GALNT11: variants seen among roughly 807,000 people sequenced by gnomAD.
The protein encoded by GALNT11 is polypeptide N-acetylgalactosaminyltransferase 11.
GALNT11 carries 47 observed loss-of-function variants against 72.7 expected under a neutral mutation model. The ratio of observed to expected loss-of-function variants is 0.65; its 90% confidence interval spans 0.51 to 0.82. The LOEUF (loss-of-function observed/expected upper bound fraction) is 0.82, where lower values mean the gene tolerates loss of function less well. GALNT11 is among the 40% of genes least tolerant of loss of function. GALNT11 has a pLI of 0.00. For synonymous variants in GALNT11, 270 were observed against 286.6 expected, an observed-to-expected ratio of 0.94 and a Z score of 0.58; for missense variants, 677 against 778.4, an observed-to-expected ratio of 0.87 and a Z score of 1.55.
chr7:152,085,308 A>C (rs190817919), intron 1 of GALNT11, among the ~76,000 whole-genome samples: 2 of 152,206 alleles, frequency 1.3e-5, no homozygotes, highest in Non-Finnish European at 2.9e-5. Context: ...AATAAATTCA[A>C]GTTCACAACT....
At chr7:152,078,346 C>T (rs1056946581) in intron 1 of GALNT11, among the ~76,000 whole-genome samples, 3 of 152,076 alleles carry the variant, frequency 2.0e-5, no homozygotes, top group African/African-American at 4.8e-5. Context: ...GGATTACAGG[C>T]GTATGCCACC....
intron 1 of GALNT11, among the ~76,000 whole-genome samples, chr7:152,063,499 T>C (rs2084132541): frequency 6.6e-6 from 1 of 152,238 alleles, no homozygotes; most frequent in South Asian, 2.1e-4. Context: ...TCTTGCCTTC[T>C]GCTAGCTTTT....
chr7:152,118,805 CAGCCAGTGTCCGCAAGG>C (rs1563085098), intron 10 of GALNT11, 23 bp downstream of exon 10: 2 of 1,582,918 alleles, frequency 1.3e-6, no homozygotes, highest in South Asian at 2.3e-5. Flanking sequence ...TCGGGGCTCA[CAGCCAGTGTCCGCAAGG>C]AGGCTTCCAG....
At chr7:152,097,029 T>C (rs2086436080) in intron 2 of GALNT11, among the ~76,000 whole-genome samples, 1 of 152,188 alleles carries the variant, frequency 6.6e-6, no homozygotes, top group African/African-American at 2.4e-5. Flanking sequence ...GGTTTCACCA[T>C]GTTGCCCAAG....
intron 1 of GALNT11, among the ~76,000 whole-genome samples, chr7:152,065,350 A>T (rs528223659): frequency 9.2e-5 from 14 of 152,258 alleles, no homozygotes; most frequent in South Asian, 6.2e-4. Context: ...CATTTGTCTA[A>T]TCTTTTTTCA....
At chr7:152,110,677 C>G (rs899239490) in intron 7 of GALNT11, 32 bp downstream of exon 7, 75 of 1,332,048 alleles carry the variant, frequency 5.6e-5, no homozygotes, top group Non-Finnish European at 7.9e-5. Flanking sequence ...CAATTAATAA[C>G]TGTGTAGTGG....
intron 1 of GALNT11, among the ~76,000 whole-genome samples, chr7:152,038,540 A>G (rs992699986): frequency 1.6e-4 from 24 of 152,234 alleles, no homozygotes; most frequent in African/African-American, 4.8e-4. Context: ...CGAGCATGTC[A>G]CAGTGCTGCA....
chr7:152,071,286 G>GT (rs1210608656), intron 1 of GALNT11, among the ~76,000 whole-genome samples: 1 of 131,750 alleles, frequency 7.6e-6, no homozygotes, highest in Non-Finnish European at 1.5e-5. Context: ...GGGCACACCT[G>GT]GGGGTGCTGT....
At chr7:152,114,095 G>A (rs1347652356) in intron 8 of GALNT11, among the ~76,000 whole-genome samples, 1 of 151,796 alleles carries the variant, frequency 6.6e-6, no homozygotes, top group East Asian at 1.9e-4. Flanking sequence ...GGACTTCGTG[G>A]TGACCCAATC....
intron 2 of GALNT11, among the ~76,000 whole-genome samples, chr7:152,100,418 T>C: frequency 6.6e-6 from 1 of 151,898 alleles, no homozygotes. Flanking sequence ...ATACAAAAAT[T>C]AGCTGGGCGT....
intron 1 of GALNT11, among the ~76,000 whole-genome samples, chr7:152,078,781 A>G (rs2129017455): frequency 6.6e-6 from 1 of 152,332 alleles, no homozygotes; most frequent in Admixed American, 6.5e-5. Flanking sequence ...TTTATGTGCT[A>G]GAGTTCCAAA....
Position 152,105,382 on chromosome 7 carries a change from C to T in GALNT11, c.712+12C>T, listed in dbSNP as rs771846464. The T allele has an allele frequency of 9.3e-6, 15 of 1,610,170 alleles. No homozygotes were observed. Among genetic ancestry groups the T allele is most frequent in the African/African-American group, 5.3e-5 (4 of 74,798 alleles). The stretch of plus-strand genomic sequence containing the variant: ...GGCCCACGCGACAGGTATCACTTCT[C>T]GTTAGCTTTGCTCTACAGGTGTTGG... On this transcript the variant is annotated intron_variant, in intron 5 of 11. Coordinates refer to ENST00000430044, the MANE Select transcript of GALNT11 (RefSeq NM_022087.4).
At chr7:152,113,903 AT>A (rs2088553303) in intron 8 of GALNT11, among the ~76,000 whole-genome samples, 1 of 135,988 alleles carries the variant, frequency 7.4e-6, no homozygotes, top group Non-Finnish European at 1.5e-5. Flanking sequence ...TGCCTGGATA[AT>A]TTTTTTTAAA....
chr7:152,070,092 G>A (rs2084547734), intron 1 of GALNT11, among the ~76,000 whole-genome samples: 1 of 151,482 alleles, frequency 6.6e-6, no homozygotes, highest in South Asian at 2.1e-4. Context: ...CGCCTCCCGG[G>A]TTCACACCAT....
intron 1 of GALNT11, among the ~76,000 whole-genome samples, chr7:152,076,711 T>C (rs199623808): frequency 1.3e-5 from 2 of 152,206 alleles, no homozygotes; most frequent in Non-Finnish European, 1.5e-5. Flanking sequence ...GTACTGGCAG[T>C]TGGAATTCAG....
At chr7:152,067,085 A>G (rs1439789363) in intron 1 of GALNT11, among the ~76,000 whole-genome samples, 1 of 152,238 alleles carries the variant, frequency 6.6e-6, no homozygotes, top group South Asian at 2.1e-4. Flanking sequence ...TAAATGAGGT[A>G]TACCTCCACT....
Position 152,121,778 on chromosome 7 carries a change from G to A in GALNT11, c.*101G>A. ...GGGTTGGGTGGAGCAGAACCATCTT[G>A]GAGAAGATGACAGTTCCCTGTCCTC... On this transcript the variant is annotated 3_prime_UTR_variant, in exon 12 of 12. Transcript: ENST00000430044. 3 of 1,437,664 alleles carry A rather than the reference G, an allele frequency of 2.1e-6. No homozygotes were observed. Among genetic ancestry groups the A allele is most frequent in the Admixed American group, 2.2e-5 (1 of 46,244 alleles). 89.1% of individuals were successfully genotyped at this position (1,437,664 alleles called of 1,614,324 possible).
At chr7:152,074,904 A>C (rs1227153250) in intron 1 of GALNT11, 2 of 152,160 alleles carry the variant, frequency 1.3e-5, no homozygotes, top group Non-Finnish European at 2.9e-5. Context: ...TGCCCTTTGC[A>C]TTCCCCTAGT....
At chr7:152,116,965 CTG>C in intron 8 of GALNT11, 190 bp from the exon 9 acceptor site, 1 of 693,574 alleles carries the variant, frequency 1.4e-6, no homozygotes, top group Non-Finnish European at 2.6e-6. Context: ...ACATCGATGA[CTG>C]AGACTCACGA....
Sources: allele counts gnomAD v4.1 joint callset (sites outside exome capture counted in the v4.1 genomes callset), GRCh38; gene constraint gnomAD v4.1.1; transcripts MANE v1.5; gene names NCBI Gene and HGNC (gene_info 2026-07-23, HGNC 2026-07-21).